The following ZSCAN25 variants were observed in gnomAD, a reference collection of about 807,000 sequenced individuals.
The protein encoded by ZSCAN25 is zinc finger and SCAN domain containing 25, also known as zinc finger and SCAN domain-containing protein 25.
In ZSCAN25, 27 loss-of-function variants were observed where a neutral mutation model predicts 38.7. That is an observed-to-expected ratio of 0.70 (90% CI 0.51 to 0.96). The LOEUF is 0.96. ZSCAN25 is among the 40% of genes least tolerant of loss of function. ZSCAN25 has a pLI of 0.00. For missense variants in ZSCAN25, 637 were observed against 705.9 expected, an observed-to-expected ratio of 0.90 and a Z score of 1.11; for synonymous variants, 273 against 277.7, an observed-to-expected ratio of 0.98 and a Z score of 0.17.
At chr7:99,661,843 A>G in the ZSCAN25 span, among the ~76,000 whole-genome samples, 1 of 152,240 alleles carries the variant, frequency 6.6e-6, no homozygotes, top group Non-Finnish European at 1.5e-5. Flanking sequence ...CTGCTGTCCA[A>G]TCTGGTAGCC....
chr7:99,648,932 T>C, the ZSCAN25 span, among the ~76,000 whole-genome samples: 1 of 152,206 alleles, frequency 6.6e-6, no homozygotes, highest in South Asian at 2.1e-4. Context: ...TCTTTTCTTT[T>C]TAACATCTCC....
chr7:99,707,916 C>T, the ZSCAN25 span: 1 of 1,614,030 alleles, frequency 6.2e-7, no homozygotes, highest in Non-Finnish European at 8.5e-7. Flanking sequence ...TTTCTGGGTC[C>T]ACTTCCAAAG....
the ZSCAN25 span, chr7:99,664,244 C>T: frequency 4.1e-6 from 3 of 738,028 alleles, no homozygotes; most frequent in Non-Finnish European, 4.4e-6. Flanking sequence ...GCCCTTCTTT[C>T]AGGCCGGCGA....
chr7:99,666,995 C>T, the ZSCAN25 span: 24 of 1,613,938 alleles, frequency 1.5e-5, no homozygotes, highest in Admixed American at 6.7e-5. Flanking sequence ...CAGCAATGAC[C>T]GTATTCTCTT....
chr7:99,638,662 A>G, the ZSCAN25 span: 1 of 1,566,026 alleles, frequency 6.4e-7, no homozygotes, highest in Non-Finnish European at 8.8e-7. Context: ...CGACTGGCCC[A>G]GCTTCAACAT....
rs867943252 is a variant in ZSCAN25 at position 99,632,357 on chromosome 7, A to G, written c.*2337A>G. ...AGATAATTTCAAACCTATATAAATA[A>G]ATCCTTATGTATTTATCATTTGACT... On this transcript the variant is annotated 3_prime_UTR_variant, in exon 8 of 8. Transcript: ENST00000394152. 6.5e-6 allele frequency: 4 copies of G among 617,222 alleles called. No homozygotes were observed. Among genetic ancestry groups the G allele is most frequent in the Non-Finnish European group, 8.1e-6 (4 of 493,938 alleles). 38.2% of individuals were successfully genotyped at this position (617,222 alleles called of 1,614,324 possible).
the ZSCAN25 span, among the ~76,000 whole-genome samples, chr7:99,641,905 A>C: frequency 1.3e-5 from 2 of 152,324 alleles, no homozygotes; most frequent in African/African-American, 4.8e-5. Flanking sequence ...TCTCTATCCA[A>C]GAACCAGATA....
the ZSCAN25 span, chr7:99,710,615 T>C: frequency 2.6e-6 from 4 of 1,553,062 alleles, no homozygotes; most frequent in Non-Finnish European, 3.5e-6. Context: ...TTCCTACATA[T>C]TGTGAATGAA....
chr7:99,706,859 T>G, the ZSCAN25 span, among the ~76,000 whole-genome samples: 1 of 152,252 alleles, frequency 6.6e-6, no homozygotes, highest in East Asian at 1.9e-4. Context: ...TGAGGTCACT[T>G]GCAAGGCACC....
chr7:99,635,621 A>G (rs549115759), downstream of ZSCAN25, among the ~76,000 whole-genome samples: 215 of 152,308 alleles, frequency 1.4e-3, 1 homozygote, highest in Non-Finnish European at 2.8e-3. Flanking sequence ...AAAAATAACC[A>G]CATCTCACCT....
the ZSCAN25 span, chr7:99,664,151 G>A: frequency 1.5e-6 from 2 of 1,360,234 alleles, no homozygotes; most frequent in South Asian, 1.3e-5. Flanking sequence ...AACTTTACCT[G>A]GAGCAATTAT....
At chr7:99,623,677 T>C (rs891231699) in intron 6 of ZSCAN25, among the ~76,000 whole-genome samples, 1 of 152,236 alleles carries the variant, frequency 6.6e-6, no homozygotes, top group Non-Finnish European at 1.5e-5. Context: ...GATCCTCCCT[T>C]GTACCATAAT....
the ZSCAN25 span, chr7:99,670,861 A>G: frequency 6.6e-6 from 1 of 152,192 alleles, no homozygotes; most frequent in Non-Finnish European, 1.5e-5. Flanking sequence ...CTGATGGATT[A>G]GTTTCTCAAA....
At position 99,619,781 on chromosome 7, in the gene ZSCAN25, G is replaced by C. The variant is rs1476583053; in HGVS notation, c.175G>C (p.Ala59Pro). 1 of 1,614,266 alleles carries C rather than the reference G, an allele frequency of 6.2e-7. No homozygotes were observed. ...CCAGGAGGCAGCTGGACCCCAGGAA[G>C]CTCTTAGGGAGCTCCAGGAGCTCTG... ...RYQEAAGPQE[A>P]LRELQELCRR... Residue 59 changes from alanine (A) to proline (P), a missense_variant, in exon 4 of 8, where the codon GCT becomes CCT. Ala to Pro is a conservative substitution (Grantham distance 27). Coordinates refer to ENST00000394152, the MANE Select transcript of ZSCAN25 (RefSeq NM_145115.3).
the ZSCAN25 span, among the ~76,000 whole-genome samples, chr7:99,734,591 T>G: frequency 6.6e-6 from 1 of 152,120 alleles, no homozygotes. Context: ...CTTAAGCTAC[T>G]TCTCCTTGAA....
the ZSCAN25 span, among the ~76,000 whole-genome samples, chr7:99,667,352 T>C: frequency 4.6e-4 from 70 of 152,302 alleles, no homozygotes; most frequent in African/African-American, 1.6e-3. Flanking sequence ...AGGGAACTGT[T>C]CTTCCAGTGG....
At chr7:99,666,746 G>A in the ZSCAN25 span, 1 of 1,612,970 alleles carries the variant, frequency 6.2e-7, no homozygotes, top group Non-Finnish European at 8.5e-7. Context: ...AGTCCCAGAA[G>A]GATATGGCTT....
chr7:99,648,724 AT>A, the ZSCAN25 span, among the ~76,000 whole-genome samples: 1 of 151,866 alleles, frequency 6.6e-6, no homozygotes, highest in South Asian at 2.1e-4. Flanking sequence ...TTAAATCCAG[AT>A]TAGTAGGTAT....
At chr7:99,708,317 A>G in the ZSCAN25 span, among the ~76,000 whole-genome samples, 2 of 152,184 alleles carry the variant, frequency 1.3e-5, no homozygotes. Flanking sequence ...AGAAAAGTAG[A>G]TTCCTGCCTC....
Sources: gnomAD v4.1 joint callset for allele counts (sites outside exome capture counted in the v4.1 genomes callset) on GRCh38, gnomAD v4.1.1 for gene constraint, MANE v1.5 for transcripts, NCBI Gene and HGNC (gene_info 2026-07-23, HGNC 2026-07-21) for gene names.